The following CALN1 variants were observed in gnomAD, a reference collection of about 807,000 sequenced individuals.
CALN1 encodes calneuron 1, also known as calcium-binding protein 8.
Under a neutral mutation model 30.6 loss-of-function variants are expected in CALN1, and 17 were observed. The ratio of observed to expected loss-of-function variants is 0.56; its 90% CI spans 0.38 to 0.83. The LOEUF (loss-of-function observed/expected upper bound fraction) is 0.83. Ranked by LOEUF, CALN1 falls within the 40% of genes least tolerant of loss-of-function variation. The pLI is 0.00. For missense variants in CALN1, 291 were observed against 354.9 expected, an observed-to-expected ratio of 0.82 and a Z score of 1.45; for synonymous variants, 156 against 131.4, an observed-to-expected ratio of 1.19 and a Z score of -1.28.
chr7:71,980,895 C>A (rs546402245), intron 5 of CALN1, among the ~76,000 whole-genome samples: 26 of 152,200 alleles, frequency 1.7e-4, no homozygotes, highest in African/African-American at 6.3e-4. Flanking sequence ...TCCTTGAAAG[C>A]AGGTGCTGAG....
intron 2 of CALN1, among the ~76,000 whole-genome samples, chr7:72,377,559 G>A (rs1284600235): frequency 6.6e-6 from 1 of 151,832 alleles, no homozygotes; most frequent in Non-Finnish European, 1.5e-5. Flanking sequence ...GATCGCCCTT[G>A]CTTAGGGGTT....
In CALN1 at chr7:71,993,305, G is replaced by A. The variant is rs148180645; in HGVS notation, c.501+30352C>T. 4.1e-3 allele frequency among the ~76,000 whole-genome samples: 623 copies of A among 152,142 alleles called. 7 individuals are homozygous for A. The highest frequency in any genetic ancestry group is 0.014 in the African/African-American group (580 of 41,512). On this transcript the variant is annotated intron_variant, in intron 5 of 6. Coordinates refer to ENST00000395275, the MANE Select transcript of CALN1 (RefSeq NM_031468.4). ...AGTTCTCTTTTAGATATAAGTAAGT[G>A]CTCACTTATTATATCTCTTAGTGGA...
chr7:71,800,248 G>C (rs1787223453), intron 6 of CALN1, among the ~76,000 whole-genome samples: 1 of 152,154 alleles, frequency 6.6e-6, no homozygotes, highest in African/African-American at 2.4e-5. Context: ...CCTTTTCATG[G>C]GATGGATGAG....
chr7:72,373,437 A>T (rs1295842900), intron 2 of CALN1, among the ~76,000 whole-genome samples: 1 of 152,250 alleles, frequency 6.6e-6, no homozygotes, highest in Non-Finnish European at 1.5e-5. Context: ...AAAATGGTGC[A>T]AAATCAATAC....
intron 3 of CALN1, among the ~76,000 whole-genome samples, chr7:72,150,911 G>A (rs1241986838): frequency 1.3e-5 from 2 of 152,046 alleles, no homozygotes; most frequent in South Asian, 4.2e-4. Context: ...TGATGGTGAC[G>A]ATGACACTGT....
At chr7:72,345,552 G>A (rs1308424292) in intron 2 of CALN1, among the ~76,000 whole-genome samples, 1 of 122,604 alleles carries the variant, frequency 8.2e-6, no homozygotes, top group Non-Finnish European at 1.7e-5. Context: ...AGGAAGGAAA[G>A]AAGAAAGGGA....
At chr7:72,337,288 G>C in intron 2 of CALN1, 17 of 985,212 alleles carry the variant, frequency 1.7e-5, no homozygotes, top group Non-Finnish European at 1.9e-5. Context: ...GGCTCGCCTT[G>C]GCCGCCTGCG....
chr7:72,317,086 G>GAGAGAGAAAGAA lies in CALN1; in HGVS notation c.120-38277_120-38276insTTCTTTCTCTCT, dbSNP rs770461344. Among the ~76,000 whole-genome samples, 45 of 143,240 alleles carry GAGAGAGAAAGAA rather than the reference G, an allele frequency of 3.1e-4. 1 individual carries two copies. Among genetic ancestry groups the GAGAGAGAAAGAA allele is most frequent in the African/African-American group, 1.0e-3 (39 of 38,838 alleles). 94.0% of individuals were successfully genotyped at this position (143,240 alleles called of 152,430 possible). ...AGAGAAAGAGAGACACAGAAAGAGA[G>GAGAGAGAAAGAA]AGAGAGAGGGAGGGAGGAAGGGAGG... On this transcript the variant is annotated intron_variant, in intron 2 of 6. Transcript: ENST00000395275.
chr7:72,399,854 T>A (rs931570601), intron 2 of CALN1, among the ~76,000 whole-genome samples: 1 of 152,154 alleles, frequency 6.6e-6, no homozygotes, highest in African/African-American at 2.4e-5. Flanking sequence ...GCCTCATGAA[T>A]GCCTGGGCAC....
At chr7:72,419,146 G>A (rs538207525) in intron 1 of CALN1, among the ~76,000 whole-genome samples, 7 of 152,250 alleles carry the variant, frequency 4.6e-5, no homozygotes, top group East Asian at 1.9e-4. Context: ...GACAACACAC[G>A]AATGCCCTGC....
At chr7:72,209,421 TTTCCTTCCCTCC>T (rs1219344608) in intron 3 of CALN1, among the ~76,000 whole-genome samples, 1 of 54,626 alleles carries the variant, frequency 1.8e-5, no homozygotes, top group Non-Finnish European at 2.9e-5. Flanking sequence ...TCCTTCCCTC[TTTCCTTCCCTCC>T]TTCCCTCCTT....
At chr7:72,460,189 T>C in the CALN1 span, among the ~76,000 whole-genome samples, 1 of 152,172 alleles carries the variant, frequency 6.6e-6, no homozygotes. Flanking sequence ...TCTGCCCCCA[T>C]GACCCACATA....
At chr7:72,329,623 T>C (rs1338204722) in intron 2 of CALN1, among the ~76,000 whole-genome samples, 1 of 152,230 alleles carries the variant, frequency 6.6e-6, no homozygotes, top group African/African-American at 2.4e-5. Flanking sequence ...TATCCCTTCA[T>C]GTCATTCTGG....
At chr7:72,472,726 G>A in the CALN1 span, among the ~76,000 whole-genome samples, 2 of 152,102 alleles carry the variant, frequency 1.3e-5, no homozygotes, top group Non-Finnish European at 2.9e-5. Context: ...AGGTTGCAGT[G>A]AACCTAGATC....
chr7:72,272,377 C>A (rs1009794582), intron 3 of CALN1, among the ~76,000 whole-genome samples: 8 of 152,068 alleles, frequency 5.3e-5, no homozygotes, highest in Non-Finnish European at 1.2e-4. Context: ...ACCTGGCCAA[C>A]ATGGCAAAAA....
Position 71,786,961 on chromosome 7 carries a change from T to C in CALN1, c.*814A>G, listed in dbSNP as rs889973321. ...ACATCACACACGAAGAAGCCAAATATATATATCTGTCTATGTTATAGAGAT... is the reference window on the plus strand; with the variant it reads ...ACATCACACACGAAGAAGCCAAATACATATATCTGTCTATGTTATAGAGAT... On this transcript the variant is annotated 3_prime_UTR_variant, in exon 7 of 7. Transcript: ENST00000395275. 3 of 152,624 alleles carry C rather than the reference T, an allele frequency of 2.0e-5. No homozygotes were observed. The highest frequency in any genetic ancestry group is 6.5e-5 in the Admixed American group (1 of 15,282). 9.5% of individuals were successfully genotyped at this position (152,624 alleles called of 1,614,324 possible). A position where few individuals can be genotyped will look rare whatever the true frequency, so the allele number is the denominator to read the frequency against.
chr7:72,141,547 C>T (rs1217435040), intron 3 of CALN1, among the ~76,000 whole-genome samples: 1 of 152,096 alleles, frequency 6.6e-6, no homozygotes, highest in Non-Finnish European at 1.5e-5. Context: ...GCTCAAAACT[C>T]CACCCTCAGA....
At chr7:72,378,673 T>TA (rs1804708759) in intron 2 of CALN1, among the ~76,000 whole-genome samples, 2 of 118,878 alleles carry the variant, frequency 1.7e-5, no homozygotes, top group South Asian at 6.8e-4. Context: ...ATAATTTTTA[T>TA]TTCCATCTGC....
At chr7:72,366,552 G>T (rs1465249600) in intron 2 of CALN1, among the ~76,000 whole-genome samples, 1 of 151,710 alleles carries the variant, frequency 6.6e-6, no homozygotes, top group Non-Finnish European at 1.5e-5. Flanking sequence ...AATTTTTAGT[G>T]CTGAATTCTG....
Sources: allele counts gnomAD v4.1 joint callset (sites outside exome capture counted in the v4.1 genomes callset), GRCh38; gene constraint gnomAD v4.1.1; transcripts MANE v1.5; gene names NCBI Gene and HGNC (gene_info 2026-07-23, HGNC 2026-07-21).